Variants in FHIT observed in about 807,000 individuals in gnomAD.
FHIT encodes the protein bis(5'-adenosyl)-triphosphatase.
FHIT carries 19 observed loss-of-function variants against 17.9 expected under a neutral mutation model. The ratio of observed to expected loss-of-function variants is 1.06; its 90% CI spans 0.74 to 1.56. The LOEUF (loss-of-function observed/expected upper bound fraction) is 1.56, where lower values mean the gene tolerates loss of function less well. FHIT is among the 40% of genes most tolerant of loss of function. FHIT has a pLI of 0.00. For missense variants in FHIT, 248 were observed against 189.2 expected, an observed-to-expected ratio of 1.31 and a Z score of -1.82; for synonymous variants, 81 against 69.7, an observed-to-expected ratio of 1.16 and a Z score of -0.81.
At chr3:60,935,147 T>G (rs1407688945) in intron 3 of FHIT, among the ~76,000 whole-genome samples, 2 of 152,152 alleles carry the variant, frequency 1.3e-5, no homozygotes, top group African/African-American at 4.8e-5. Flanking sequence ...TTAATCTGAG[T>G]GTCAGAAAAA....
intron 4 of FHIT, among the ~76,000 whole-genome samples, chr3:60,623,183 T>TA (rs1338104811): frequency 4.6e-5 from 7 of 152,208 alleles, no homozygotes; most frequent in African/African-American, 1.4e-4. Flanking sequence ...ATAACTTTTT[T>TA]AATGCAATTG....
chr3:60,070,427 G>A (rs2106969903), intron 5 of FHIT, among the ~76,000 whole-genome samples: 1 of 152,212 alleles, frequency 6.6e-6, no homozygotes, highest in Non-Finnish European at 1.5e-5. Context: ...CCAGACTTCT[G>A]GTGAATGACA....
intron 7 of FHIT, among the ~76,000 whole-genome samples, chr3:59,956,684 A>G (rs1167096595): frequency 6.6e-6 from 1 of 152,124 alleles, no homozygotes; most frequent in Non-Finnish European, 1.5e-5. Flanking sequence ...AAAAAAGACA[A>G]TCTCCTTAGT....
At chr3:59,972,207 G>A (rs1372053208) in intron 7 of FHIT, among the ~76,000 whole-genome samples, 1 of 152,070 alleles carries the variant, frequency 6.6e-6, no homozygotes, top group African/African-American at 2.4e-5. Context: ...AACATATAAA[G>A]TAAATACTCT....
chr3:60,694,023 AG>A (rs2041055802), intron 4 of FHIT, among the ~76,000 whole-genome samples: 4 of 152,208 alleles, frequency 2.6e-5, no homozygotes, highest in Admixed American at 2.6e-4. Context: ...AGATTGACCT[AG>A]GAGAAGAAGC....
chr3:60,900,921 G>A (rs1474444153), intron 3 of FHIT, among the ~76,000 whole-genome samples: 1 of 152,120 alleles, frequency 6.6e-6, no homozygotes, highest in Non-Finnish European at 1.5e-5. Context: ...GGGACTACAG[G>A]TGCATGCCAC....
At position 60,255,792 on chromosome 3, in the gene FHIT, T is replaced by A. The variant is rs187578885; in HGVS notation, c.104-241640A>T. Among the ~76,000 whole-genome samples, 1,500 of 151,968 alleles carry A rather than the reference T, an allele frequency of 9.9e-3. 12 individuals are homozygous for A. The highest frequency in any genetic ancestry group is 0.013 in the Non-Finnish European group (913 of 67,968). ...TGTTCATGGACCTGGGAGGTGGAGG[T>A]TGCAGTGAGCCGAGATTGTGCCACT... is the stretch of plus-strand genomic sequence containing the variant. On this transcript the variant is annotated intron_variant, in intron 5 of 9. Coordinates refer to ENST00000492590, the MANE Select transcript of FHIT (RefSeq NM_002012.4).
chr3:60,612,556 T>C (rs376580606), intron 4 of FHIT, among the ~76,000 whole-genome samples: 28 of 152,350 alleles, frequency 1.8e-4, no homozygotes, highest in African/African-American at 6.5e-4. Flanking sequence ...GGAAAAGGTA[T>C]ATCTATTGCT....
At chr3:59,916,627 C>T (rs1705147831) in intron 8 of FHIT, among the ~76,000 whole-genome samples, 1 of 152,076 alleles carries the variant, frequency 6.6e-6, no homozygotes, top group Admixed American at 6.5e-5. Flanking sequence ...TTTTGAGGAA[C>T]ATAGAGATTT....
At chr3:61,125,413 A>C (rs1399632730) in intron 2 of FHIT, among the ~76,000 whole-genome samples, 1 of 152,186 alleles carries the variant, frequency 6.6e-6, no homozygotes, top group Non-Finnish European at 1.5e-5. Flanking sequence ...GATCAAGAAA[A>C]AGTTCTTTGT....
chr3:60,867,814 C>A (rs901909219), intron 3 of FHIT, among the ~76,000 whole-genome samples: 8 of 152,108 alleles, frequency 5.3e-5, no homozygotes, highest in African/African-American at 1.9e-4. Context: ...ATAAGCAGAG[C>A]CCCCTGACAA....
chr3:60,609,112 G>T (rs1422728187), intron 4 of FHIT, among the ~76,000 whole-genome samples: 1 of 151,418 alleles, frequency 6.6e-6, no homozygotes, highest in African/African-American at 2.4e-5. Context: ...TCATTTTCAT[G>T]CCACTTTGGG....
intron 5 of FHIT, among the ~76,000 whole-genome samples, chr3:60,215,990 T>C (rs1476689662): frequency 1.3e-5 from 2 of 152,200 alleles, no homozygotes; most frequent in Non-Finnish European, 2.9e-5. Context: ...TTGGCACATG[T>C]AATTACAGTA....
chr3:60,700,146 A>AT (rs1232510881), intron 4 of FHIT, among the ~76,000 whole-genome samples: 32 of 151,216 alleles, frequency 2.1e-4, no homozygotes, highest in Admixed American at 5.3e-4. Flanking sequence ...AAAAAAAAAA[A>AT]TACACAGGTA....
At chr3:59,761,839 G>A (rs1451067498) in intron 8 of FHIT, among the ~76,000 whole-genome samples, 1 of 152,050 alleles carries the variant, frequency 6.6e-6, no homozygotes, top group Non-Finnish European at 1.5e-5. Flanking sequence ...CTCATGACCT[G>A]CCCGCCTCGG....
chr3:60,014,140 C>T lies in FHIT; in HGVS notation c.116G>A (p.Cys39Tyr), dbSNP rs757050854. 6.8e-6 allele frequency: 11 copies of T among 1,614,020 alleles called. No homozygotes were observed. The Admixed American group carries it at 1.0e-4, about 15-fold the overall frequency. ...GAAGCGCTCCACTGGCCGCAGCGGG[C>T]ACACAAGGACATCTGTAGCAAGGTC... ...KPVVPGHVLV[C>Y]PLRPVERFHD... Residue 39 changes from cysteine to tyrosine, a missense_variant, in exon 6 of 10, where the codon TGC becomes TAC. Transcript: ENST00000492590.
chr3:61,164,532 A>G (rs147868000), intron 2 of FHIT, among the ~76,000 whole-genome samples: 1,746 of 152,346 alleles, frequency 0.011, 15 homozygotes, highest in Middle Eastern at 0.061. Context: ...TAGCTGTGAA[A>G]CACTGAGCAA....
intron 5 of FHIT, among the ~76,000 whole-genome samples, chr3:60,332,907 T>G (rs1371531997): frequency 6.6e-6 from 1 of 152,240 alleles, no homozygotes; most frequent in Non-Finnish European, 1.5e-5. Flanking sequence ...GCCGACATTG[T>G]GTCTGCTCCT....
At chr3:60,279,455 TTAAC>T in intron 5 of FHIT, among the ~76,000 whole-genome samples, 1 of 152,110 alleles carries the variant, frequency 6.6e-6, no homozygotes, top group Non-Finnish European at 1.5e-5. Flanking sequence ...TCCAGACAAT[TTAAC>T]TGATGAATTC....
Sources: allele counts gnomAD v4.1 joint callset (sites outside exome capture counted in the v4.1 genomes callset), GRCh38; gene constraint gnomAD v4.1.1; transcripts MANE v1.5; gene names NCBI Gene and HGNC (gene_info 2026-07-23, HGNC 2026-07-21).